CRYBG1: variants seen among roughly 807,000 people sequenced by gnomAD.
CRYBG1 encodes crystallin beta-gamma domain containing 1, also known as beta/gamma crystallin domain-containing protein 1.
A neutral mutation model predicts 189.2 loss-of-function variants in CRYBG1; 139 were observed. That is an observed-to-expected ratio of 0.73 (90% confidence interval 0.64 to 0.85). The LOEUF (loss-of-function observed/expected upper bound fraction) is 0.85, where lower values mean the gene tolerates loss of function less well. Ranked by LOEUF, CRYBG1 falls within the 40% of genes least tolerant of loss-of-function variation. CRYBG1 has a pLI of 0.00. For missense variants in CRYBG1, 2,611 were observed against 2,675.8 expected, an observed-to-expected ratio of 0.98 and a Z score of 0.53; for synonymous variants, 1,023 against 1,017.1, an observed-to-expected ratio of 1.01 and a Z score of -0.11.
chr6:106,472,811 A>C (rs919697314), intron 2 of CRYBG1, among the ~76,000 whole-genome samples: 10 of 151,328 alleles, frequency 6.6e-5, no homozygotes, highest in African/African-American at 2.4e-4. Flanking sequence ...AGCTGAAGTG[A>C]GAGAATCACT....
In CRYBG1 at chr6:106,360,989, C is replaced by T; in HGVS notation, c.81C>T (p.His27=). The change falls in exon 1 of 22, where the codon CAC becomes CAT. Residue 27 remains histidine (H), a synonymous_variant. Coordinates refer to ENST00000633556, the MANE Select transcript of CRYBG1 (RefSeq NM_001371242.2). ...CRPPKKHTTF[H]LWRSKKKQQP... ...CCCCTAAGAAGCACACCACCTTCCA[C>T]CTCTGGCGCTCCAAAAAGAAGCAGC... 1 of 1,535,274 alleles carries T rather than the reference C, an allele frequency of 6.5e-7. No individual in the cohort carries two copies. The highest frequency in any genetic ancestry group is 8.7e-7 in the Non-Finnish European group (1 of 1,146,608).
At chr6:106,533,378 C>T (rs2353049) in intron 8 of CRYBG1, among the ~76,000 whole-genome samples, 1 of 151,926 alleles carries the variant, frequency 6.6e-6, no homozygotes, top group African/African-American at 2.4e-5. Flanking sequence ...TGGCCTTTCA[C>T]GCCTTGGGGA....
At chr6:106,466,834 C>T (rs1772122100) in intron 2 of CRYBG1, among the ~76,000 whole-genome samples, 1 of 152,072 alleles carries the variant, frequency 6.6e-6, no homozygotes, top group Admixed American at 6.6e-5. Context: ...TAGGGTAGAG[C>T]CCAATCTTTA....
At chr6:106,541,463 G>A in intron 9 of CRYBG1, 123 bp from the exon 10 acceptor site, 1 of 985,152 alleles carries the variant, frequency 1.0e-6, no homozygotes, top group South Asian at 1.3e-5. Flanking sequence ...TCTCACGTAA[G>A]TTAAAACAAA....
intron 8 of CRYBG1, among the ~76,000 whole-genome samples, chr6:106,530,674 G>T (rs1245781877): frequency 2.6e-5 from 4 of 152,130 alleles, no homozygotes. Context: ...TTCTGGGGGG[G>T]GATGGAAGCC....
intron 4 of CRYBG1, among the ~76,000 whole-genome samples, chr6:106,521,711 CTTTTTTTTT>C (rs397976859): frequency 1.4e-4 from 10 of 72,186 alleles, no homozygotes; most frequent in South Asian, 1.3e-3. Context: ...GGCACATGAT[CTTTTTTTTT>C]TTTTTTTTTT....
rs34075891 is a variant in CRYBG1 at position 106,440,243 on chromosome 6, CCTCTCT to C, written c.174-11430_174-11425del. 7.4e-3 allele frequency among the ~76,000 whole-genome samples: 1,097 copies of C among 147,576 alleles called. 11 individuals carry two copies. The highest frequency in any genetic ancestry group is 0.022 in the African/African-American group (878 of 40,244). On this transcript the variant is annotated intron_variant, in intron 1 of 21. Coordinates refer to ENST00000633556, the MANE Select transcript of CRYBG1 (RefSeq NM_001371242.2). The stretch of plus-strand genomic sequence containing the variant: ...CTTATTTGAAGCACTTTCCTTTCTT[CCTCTCT>C]CTCTCTCTCTCTCTCTCTCTTTTTT...
chr6:106,503,408 T>C (rs527741253), intron 2 of CRYBG1, among the ~76,000 whole-genome samples: 1 of 152,356 alleles, frequency 6.6e-6, no homozygotes, highest in Admixed American at 6.5e-5. Flanking sequence ...CTGTACTGCA[T>C]GGCCTAGGAG....
chr6:106,370,496 T>C (rs938683308), intron 1 of CRYBG1, among the ~76,000 whole-genome samples: 1 of 152,208 alleles, frequency 6.6e-6, no homozygotes, highest in African/African-American at 2.4e-5. Context: ...TTGAATCCAT[T>C]GGTTTTACCT....
rs1378437627 is a variant in CRYBG1, at chr6:106,512,076, G to A, written c.959G>A (p.Cys320Tyr). ...GEAPNGAPSV[C>Y]AEEGSLGPRN... ...GCCCCTAACGGAGCCCCCAGTGTGTGTGCCGAAGAAGGCTCCCTGGGGCCC... is the reference window on the plus strand; with the variant it reads ...GCCCCTAACGGAGCCCCCAGTGTGTATGCCGAAGAAGGCTCCCTGGGGCCC... Residue 320 changes from cysteine (C) to tyrosine (Y), a missense_variant, in exon 3 of 22, where the codon TGT (cysteine) becomes TAT (tyrosine). By Grantham distance (194) the Cys-to-Tyr change is radical. Around this residue, in one of 3 missense-constraint regions of CRYBG1, gnomAD observed 985 missense variants for 924.4 expected, o/e 1.07. Coordinates refer to ENST00000633556, the MANE Select transcript of CRYBG1 (RefSeq NM_001371242.2). The A allele has an allele frequency of 6.5e-7, 1 of 1,534,332 alleles. No individual in the cohort carries two copies. Among genetic ancestry groups the A allele is most frequent in the African/African-American group, 1.4e-5 (1 of 72,990 alleles).
rs1773269167 is a variant in CRYBG1, at chr6:106,511,910, C to T, written c.793C>T (p.Gln265Ter). The T allele has an allele frequency of 6.6e-7, 1 of 1,524,182 alleles. No individual in the cohort carries two copies. Among genetic ancestry groups the T allele is most frequent in the South Asian group, 1.2e-5 (1 of 82,930 alleles). 94.4% of individuals were successfully genotyped at this position (1,524,182 alleles called of 1,614,324 possible). ...TTCCTCGCCGGGAAATTCCTCCAGG[C>T]AAGAGAACGCAGAGACGCCCGCCCG... Reference protein sequence around the residue: ...LHSSPGNSSRQENAETPARSP... With the variant: ...LHSSPGNSSR Residue 265 changes from glutamine to a stop codon, truncating the protein, a stop_gained, in exon 3 of 22, where the codon CAA (glutamine) becomes TAA (stop). Transcript: ENST00000633556. LOFTEE classifies it high-confidence loss of function.
intron 8 of CRYBG1, among the ~76,000 whole-genome samples, chr6:106,534,809 G>T (rs1388578279): frequency 6.6e-6 from 1 of 152,050 alleles, no homozygotes; most frequent in Admixed American, 6.6e-5. Flanking sequence ...GGGTTTTTTG[G>T]GGGCGGGGTG....
intron 1 of CRYBG1, among the ~76,000 whole-genome samples, chr6:106,375,815 T>A (rs1357288944): frequency 6.6e-6 from 1 of 152,194 alleles, no homozygotes; most frequent in Non-Finnish European, 1.5e-5. Context: ...CATACCAAGA[T>A]CCCCTGTGAA....
intron 1 of CRYBG1, among the ~76,000 whole-genome samples, chr6:106,426,084 G>A (rs1421280586): frequency 6.6e-6 from 1 of 152,086 alleles, no homozygotes; most frequent in African/African-American, 2.4e-5. Flanking sequence ...CTCAGCTGAT[G>A]CCCTTGCTTT....
At chr6:106,451,643 T>A in intron 1 of CRYBG1, 51 bp from the exon 2 acceptor site, 4 of 1,427,912 alleles carry the variant, frequency 2.8e-6, no homozygotes, top group Non-Finnish European at 3.7e-6. Context: ...TTCTTGAGAT[T>A]TTGGCATTGT....
At chr6:106,424,105 T>G (rs9384611) in intron 1 of CRYBG1, among the ~76,000 whole-genome samples, 109,226 of 152,018 alleles carry the variant, frequency 0.72, 40,160 homozygotes, top group African/African-American at 0.88. Flanking sequence ...CATTACAAAG[T>G]GTCTCCACTT....
At chr6:106,488,444 T>G (rs28493306) in intron 2 of CRYBG1, among the ~76,000 whole-genome samples, 18,661 of 152,140 alleles carry the variant, frequency 0.12, 1,309 homozygotes, top group East Asian at 0.27. Flanking sequence ...TGGGTAAATG[T>G]CCAACAGTTG....
intron 8 of CRYBG1, among the ~76,000 whole-genome samples, chr6:106,534,437 G>C (rs1474724352): frequency 6.6e-6 from 1 of 152,168 alleles, no homozygotes; most frequent in Non-Finnish European, 1.5e-5. Flanking sequence ...TGCTTTTATA[G>C]ATCTCAAAGG....
chr6:106,527,175 T>A (rs1469431978), intron 6 of CRYBG1, 130 bp from the exon 7 acceptor site: 1 of 688,058 alleles, frequency 1.5e-6, no homozygotes, highest in African/African-American at 1.9e-5. Context: ...TTTAAGCTAT[T>A]TTAATTGCTA....
Sources: gnomAD v4.1 joint callset for allele counts (sites outside exome capture counted in the v4.1 genomes callset) on GRCh38, gnomAD v4.1.1 for gene constraint, gnomAD v4.1.1 regional missense constraint, MANE v1.5 for transcripts, NCBI Gene and HGNC (gene_info 2026-07-23, HGNC 2026-07-21) for gene names.